CFAP91: variants seen among roughly 807,000 people sequenced by gnomAD.
CFAP91 encodes the protein cilia and flagella associated protein 91, also known as cilia- and flagella-associated protein 91.
Under a neutral mutation model 95.9 loss-of-function variants are expected in CFAP91, and 85 were observed. The observed-to-expected ratio is 0.89, with a 90% CI of 0.74 to 1.06. The LOEUF is 1.06. CFAP91 is among the 50% of genes least tolerant of loss of function. The pLI is 0.00. For synonymous variants in CFAP91, 335 were observed against 327.5 expected, an observed-to-expected ratio of 1.02 and a Z score of -0.25; for missense variants, 962 against 943.4, an observed-to-expected ratio of 1.02 and a Z score of -0.26.
Position 119,737,355 on chromosome 3 carries a change from C to T in CFAP91, c.1345-11C>T, listed in dbSNP as rs1225112695. 3.4e-6 allele frequency: 5 copies of T among 1,475,614 alleles called. No homozygotes were observed. In the African/African-American group the frequency reaches 7.2e-5, roughly 21 times the overall value. The allele number at this position is 1,475,614 out of a possible 1,614,324, so 91.4% of individuals were successfully genotyped here. Reference sequence around the variant, plus strand: ...TAAAAAAAGAGATTATATTAATTGGCATTATTTCAGGCACTGTTGGATAAG... The same window carrying T: ...TAAAAAAAGAGATTATATTAATTGGTATTATTTCAGGCACTGTTGGATAAG... On this transcript the variant is annotated splice_polypyrimidine_tract_variant and intron_variant, in intron 10 of 17. Coordinates refer to ENST00000273390, the MANE Select transcript of CFAP91 (RefSeq NM_033364.4).
Position 119,707,529 on chromosome 3 carries a change from G to T in CFAP91, c.327G>T (p.Glu109Asp). 1 of 1,587,150 alleles carries T rather than the reference G, an allele frequency of 6.3e-7. No homozygotes were observed. The highest frequency in any genetic ancestry group is 1.1e-5 in the South Asian group (1 of 87,186). ...GTCGGGAATGGAAGGGACATAAGGA[G>T]AAACACAGAGAAGCCCTCCGGCAGC... ...FISREWKGHK[E>D]KHREALRQLT... Residue 109 changes from glutamate (E) to aspartate (D), a missense_variant, in exon 3 of 18, where the codon GAG (glutamate) becomes GAT (aspartate). Transcript: ENST00000273390.
intron 10 of CFAP91, among the ~76,000 whole-genome samples, chr3:119,735,980 T>A (rs77423655): frequency 2.0e-5 from 3 of 151,966 alleles, no homozygotes; most frequent in African/African-American, 4.8e-5. Flanking sequence ...TTTTTTTTTT[T>A]ATAATTTCTT....
intron 3 of CFAP91, among the ~76,000 whole-genome samples, chr3:119,708,251 C>T (rs950595898): frequency 1.6e-4 from 21 of 131,480 alleles, no homozygotes; most frequent in African/African-American, 4.7e-4. Context: ...GGTGACAGAG[C>T]GAGACTCTGT....
At chr3:119,732,824 T>A (rs1045011065) in intron 9 of CFAP91, among the ~76,000 whole-genome samples, 1 of 152,172 alleles carries the variant, frequency 6.6e-6, no homozygotes, top group African/African-American at 2.4e-5. Context: ...TAAAGAAATG[T>A]CAAAAAACTA....
chr3:119,708,091 C>T (rs1194005325), intron 3 of CFAP91, among the ~76,000 whole-genome samples: 1 of 151,930 alleles, frequency 6.6e-6, no homozygotes, highest in Non-Finnish European at 1.5e-5. Context: ...ACCATCCTGG[C>T]TAACACGGTG....
intron 5 of CFAP91, among the ~76,000 whole-genome samples, chr3:119,711,740 G>A (rs1030875199): frequency 2.6e-5 from 4 of 152,222 alleles, no homozygotes; most frequent in African/African-American, 7.2e-5. Flanking sequence ...GGGACCAGCT[G>A]GCCTTCTCCA....
chr3:119,719,869 G>A (rs2053648862), intron 6 of CFAP91, among the ~76,000 whole-genome samples: 1 of 152,202 alleles, frequency 6.6e-6, no homozygotes, highest in African/African-American at 2.4e-5. Context: ...TTGGGAGGCT[G>A]AGGCAGGCGG....
rs1039812669 is a variant in CFAP91, at chr3:119,732,341, G to A, written c.1066G>A (p.Glu356Lys). The A allele has an allele frequency of 6.2e-7, 1 of 1,611,512 alleles. No individual in the cohort carries two copies. The highest frequency in any genetic ancestry group is 8.5e-7 in the Non-Finnish European group (1 of 1,178,512). The change falls in exon 9 of 18, where the codon GAG (glutamate) becomes AAG (lysine). Residue 356 changes from glutamate (E) to lysine (K), a missense_variant. Physicochemically the swap from Glu to Lys is moderately conservative, Grantham distance 56 (BLOSUM62 1). Coordinates refer to ENST00000273390, the MANE Select transcript of CFAP91 (RefSeq NM_033364.4). ...GKRKNIEGKL[E>K]RRNIIKDYSD... ...GAGAAAGAATATAGAAGGGAAGTTG[G>A]AGAGAAGAAATATCATCAAGGATTA... is the stretch of plus-strand genomic sequence containing the variant.
chr3:119,741,229 C>G (rs2054115770), intron 13 of CFAP91, among the ~76,000 whole-genome samples: 1 of 152,136 alleles, frequency 6.6e-6, no homozygotes. Flanking sequence ...AACAACAAAA[C>G]AAGAAGAATG....
intron 6 of CFAP91, among the ~76,000 whole-genome samples, chr3:119,718,494 A>C (rs1344480228): frequency 6.6e-6 from 1 of 152,156 alleles, no homozygotes; most frequent in Non-Finnish European, 1.5e-5. Context: ...GAAGCAATGC[A>C]AGAATCAGTG....
intron 6 of CFAP91, among the ~76,000 whole-genome samples, chr3:119,716,425 T>C (rs187660479): frequency 1.3e-5 from 2 of 152,228 alleles, no homozygotes; most frequent in Non-Finnish European, 2.9e-5. Context: ...TAGAGATAGT[T>C]GGTTCATGGT....
At position 119,765,252 on chromosome 3, in the gene CFAP91, T is replaced by A. The variant is rs900764957; in HGVS notation, c.*202T>A. 5.9e-5 allele frequency: 9 copies of A among 152,328 alleles called. No individual in the cohort carries two copies. The highest frequency in any genetic ancestry group is 2.2e-4 in the African/African-American group (9 of 41,576). 9.4% of individuals were successfully genotyped at this position (152,328 alleles called of 1,614,324 possible). ...AATGAAAAAGCTTCATTCTCTTCAG[T>A]GTCTTCTAGATGCCCTACTTAAAGA... On this transcript the variant is annotated 3_prime_UTR_variant, in exon 18 of 18. Transcript: ENST00000273390.
Position 119,765,332 on chromosome 3 carries a change from T to C in CFAP91, c.*282T>C, listed in dbSNP as rs2107930130. On this transcript the variant is annotated 3_prime_UTR_variant, in exon 18 of 18. Coordinates refer to ENST00000273390, the MANE Select transcript of CFAP91 (RefSeq NM_033364.4). Reference sequence around the variant, plus strand: ...TTTGTTAACTATGAGGATGTGCTGGTTTGTTGAATCAAACAAAAGGAAATG... The same window carrying C: ...TTTGTTAACTATGAGGATGTGCTGGCTTGTTGAATCAAACAAAAGGAAATG... 6.6e-6 allele frequency: 1 copy of C among 152,342 alleles called. No homozygotes were observed. The highest frequency in any genetic ancestry group is 1.5e-5 in the Non-Finnish European group (1 of 68,024). The allele number at this position is 152,342 out of a possible 1,614,324, so 9.4% of individuals were successfully genotyped here.
chr3:119,743,947 T>C (rs1456627766), intron 13 of CFAP91, 28 bp from the exon 14 acceptor site: 1 of 1,542,684 alleles, frequency 6.5e-7, no homozygotes, highest in South Asian at 1.2e-5. Flanking sequence ...GGAATTTGTG[T>C]CCTTAAAGTT....
Position 119,766,501 on chromosome 3 carries a change from A to G in CFAP91, c.*1451A>G, listed in dbSNP as rs1577257681. The G allele has an allele frequency of 6.6e-6, 1 of 152,340 alleles. No homozygotes were observed. Among genetic ancestry groups the G allele is most frequent in the African/African-American group, 2.4e-5 (1 of 41,574 alleles). 9.4% of individuals were successfully genotyped at this position (152,340 alleles called of 1,614,324 possible). On this transcript the variant is annotated 3_prime_UTR_variant, in exon 18 of 18. Transcript: ENST00000273390. ...GGCTAACCTGAGCTAGGTAAAGGTTATATCATTCACTTTTGAAATAAACCA... is the reference window on the plus strand; with the variant it reads ...GGCTAACCTGAGCTAGGTAAAGGTTGTATCATTCACTTTTGAAATAAACCA...
chr3:119,706,843 T>TA lies in CFAP91; in HGVS notation c.160dup (p.Thr54AsnfsTer21). 1 of 1,613,500 alleles carries TA rather than the reference T, an allele frequency of 6.2e-7. No homozygotes were observed. The highest frequency in any genetic ancestry group is 8.5e-7 in the Non-Finnish European group (1 of 1,179,816). ...TTATTGTGTCAAGTGAGAAAGACCA[T>TA]ACACAGGCAAATATCCAAGCTACCC... On this transcript the variant is annotated frameshift_variant, in exon 2 of 18. Coordinates refer to ENST00000273390, the MANE Select transcript of CFAP91 (RefSeq NM_033364.4). LOFTEE classifies it high-confidence loss of function.
chr3:119,754,480 C>T (rs1321146958), intron 17 of CFAP91, among the ~76,000 whole-genome samples: 3 of 152,134 alleles, frequency 2.0e-5, no homozygotes, highest in Non-Finnish European at 4.4e-5. Context: ...AATGTGAATG[C>T]TAAGGGTGGG....
At chr3:119,707,324 A>G in intron 2 of CFAP91, 80 bp from the exon 3 acceptor site, 5 of 1,076,444 alleles carry the variant, frequency 4.6e-6, no homozygotes, top group Non-Finnish European at 6.5e-6. Flanking sequence ...TGTTTTTAAA[A>G]AGAGTTTACA....
At chr3:119,736,962 G>A (rs935644882) in intron 10 of CFAP91, among the ~76,000 whole-genome samples, 9 of 152,066 alleles carry the variant, frequency 5.9e-5, no homozygotes, top group African/African-American at 1.4e-4. Flanking sequence ...TCAGCCTCCC[G>A]AGTAGCTGGG....
Sources: gnomAD v4.1 joint callset for allele counts (sites outside exome capture counted in the v4.1 genomes callset) on GRCh38, gnomAD v4.1.1 for gene constraint, MANE v1.5 for transcripts, NCBI Gene and HGNC (gene_info 2026-07-23, HGNC 2026-07-21) for gene names.